Variants in PCBP3 observed in about 807,000 individuals in gnomAD.
The protein encoded by PCBP3 is poly(rC) binding protein 3.
A neutral mutation model predicts 52.7 loss-of-function variants in PCBP3; 25 were observed. The ratio of observed to expected loss-of-function variants is 0.47; its 90% CI spans 0.35 to 0.66. The LOEUF (loss-of-function observed/expected upper bound fraction) is 0.66, where lower values mean the gene tolerates loss of function less well. Among genes scored for constraint, PCBP3 ranks in the 30% least tolerant of loss-of-function variants. PCBP3 has a pLI of 0.01. For missense variants in PCBP3, 391 were observed against 490.3 expected, an observed-to-expected ratio of 0.80 and a Z score of 1.91; for synonymous variants, 162 against 183.0, an observed-to-expected ratio of 0.89 and a Z score of 0.93.
intron 3 of PCBP3, among the ~76,000 whole-genome samples, chr21:45,745,897 C>T (rs1348703179): frequency 3.9e-5 from 6 of 152,008 alleles, no homozygotes; most frequent in Admixed American, 1.3e-4. Flanking sequence ...CAGCGCCACA[C>T]GGTGTTGTGT....
chr21:45,850,758 T>G (rs1318007715), intron 5 of PCBP3, among the ~76,000 whole-genome samples: 1 of 152,264 alleles, frequency 6.6e-6, no homozygotes, highest in African/African-American at 2.4e-5. Flanking sequence ...ACAGAGAGCA[T>G]GTACAGTACT....
intron 16 of PCBP3, among the ~76,000 whole-genome samples, chr21:45,936,323 A>G (rs922759954): frequency 6.6e-6 from 1 of 152,234 alleles, no homozygotes; most frequent in African/African-American, 2.4e-5. Flanking sequence ...AGCCATCTTC[A>G]TTTGAGCCCC....
chr21:45,764,363 C>T (rs968629087), intron 4 of PCBP3, among the ~76,000 whole-genome samples: 10 of 152,186 alleles, frequency 6.6e-5, no homozygotes, highest in African/African-American at 1.9e-4. Context: ...CTCAGGCAGT[C>T]TACCCGCCTC....
intron 4 of PCBP3, among the ~76,000 whole-genome samples, chr21:45,836,831 T>C (rs1360945419): frequency 6.6e-6 from 1 of 152,156 alleles, no homozygotes; most frequent in Non-Finnish European, 1.5e-5. Context: ...ACCTGTTCTG[T>C]TTAGTCACAC....
chr21:45,738,364 C>T (rs1010954684), intron 3 of PCBP3, among the ~76,000 whole-genome samples: 3 of 151,274 alleles, frequency 2.0e-5, no homozygotes, highest in East Asian at 3.9e-4. Flanking sequence ...ACGCCATTCT[C>T]CTACCTCAGC....
At chr21:45,927,941 G>GCCCCAC (rs1393262561) in intron 13 of PCBP3, among the ~76,000 whole-genome samples, 2 of 152,158 alleles carry the variant, frequency 1.3e-5, no homozygotes, top group Non-Finnish European at 2.9e-5. Context: ...CCCACTAGGA[G>GCCCCAC]TCGGGGGTTT....
At chr21:45,911,056 C>A in intron 11 of PCBP3, 26 bp downstream of exon 11, 1 of 1,604,478 alleles carries the variant, frequency 6.2e-7, no homozygotes, top group Admixed American at 1.7e-5. Context: ...CAGGGCCAGC[C>A]CACGTCAGTG....
chr21:45,873,658 C>T lies in PCBP3; in HGVS notation c.11-22550C>T, dbSNP rs533329470. 1.6e-4 allele frequency among the ~76,000 whole-genome samples: 24 copies of T among 152,330 alleles called. No individual in the cohort carries two copies. The South Asian group carries it at 4.3e-3, about 28-fold the overall frequency. ...TCAGGTTTCATTTTATTCACCTGCC[C>T]GTGCAGGGGACCACGCGCTGGGTAC... On this transcript the variant is annotated intron_variant, in intron 5 of 17. Coordinates refer to ENST00000681687, the MANE Select transcript of PCBP3 (RefSeq NM_001384156.1).
intron 2 of PCBP3, among the ~76,000 whole-genome samples, chr21:45,726,772 G>T (rs1171276629): frequency 2.6e-5 from 4 of 152,188 alleles, no homozygotes; most frequent in Non-Finnish European, 5.9e-5. Context: ...CATGCGTTCT[G>T]CTTTCCTGGC....
chr21:45,684,678 C>T (rs976786023), intron 2 of PCBP3, among the ~76,000 whole-genome samples: 1 of 152,170 alleles, frequency 6.6e-6, no homozygotes. Flanking sequence ...GAGGCCTCAG[C>T]AGAGGCCAAG....
intron 1 of PCBP3, among the ~76,000 whole-genome samples, chr21:45,663,252 C>A (rs939804868): frequency 6.6e-6 from 1 of 152,166 alleles, no homozygotes; most frequent in African/African-American, 2.4e-5. Flanking sequence ...CCTTACCTAT[C>A]ATTGCAGATG....
chr21:45,662,910 C>G (rs1170572940), intron 1 of PCBP3, among the ~76,000 whole-genome samples: 8 of 152,078 alleles, frequency 5.3e-5, no homozygotes, highest in African/African-American at 1.7e-4. Flanking sequence ...AAGGGAGTCT[C>G]CCTTTCCCTG....
At chr21:45,869,477 G>C (rs775597734) in intron 5 of PCBP3, among the ~76,000 whole-genome samples, 1 of 152,184 alleles carries the variant, frequency 6.6e-6, no homozygotes, top group Non-Finnish European at 1.5e-5. Flanking sequence ...GAGGTCAGCA[G>C]AGGACCCTGG....
In PCBP3 at chr21:45,827,981, T is replaced by C. The variant is rs570002136; in HGVS notation, c.-125-21980T>C. ...CCAGTGGCTGATACATAGACAAGTT[T>C]ATTTCCTGTTCACCTGTGTCAGCTG... On this transcript the variant is annotated intron_variant, in intron 4 of 17. Coordinates refer to ENST00000681687, the MANE Select transcript of PCBP3 (RefSeq NM_001384156.1). The surrounding 1 kb of genome is among the most constrained non-coding windows in gnomAD (Gnocchi z 4.3). The C allele has an allele frequency of 2.0e-5, 3 of 152,442 alleles. No individual in the cohort carries two copies. Among genetic ancestry groups the C allele is most frequent in the Admixed American group, 6.5e-5 (1 of 15,294 alleles). The allele number at this position is 152,442 out of a possible 1,614,324, so 9.4% of individuals were successfully genotyped here.
chr21:45,802,067 A>G lies in PCBP3; in HGVS notation c.-126+46615A>G, dbSNP rs2092325645. 6.6e-6 allele frequency among the ~76,000 whole-genome samples: 1 copy of G among 152,150 alleles called. No homozygotes were observed. The highest frequency in any genetic ancestry group is 1.5e-5 in the Non-Finnish European group (1 of 68,020). On this transcript the variant is annotated intron_variant, in intron 4 of 17. Coordinates refer to ENST00000681687, the MANE Select transcript of PCBP3 (RefSeq NM_001384156.1). The surrounding 1 kb of genome is among the most constrained non-coding windows in gnomAD (Gnocchi z 5.1). ...CTTGAGGGCATCGTCATGATTCAGC[A>G]GTGACTTCTGGGCTGGGTGGTTAGC...
chr21:45,941,753 A>G lies in PCBP3; in HGVS notation c.*47A>G, dbSNP rs778563119. ...CGCGTCACCCACCTGCCAGAGCCTA[A>G]GGCCCCCGGCTCTCGCACTCTGTAC... is the stretch of plus-strand genomic sequence containing the variant. On this transcript the variant is annotated 3_prime_UTR_variant, in exon 18 of 18. Coordinates refer to ENST00000681687, the MANE Select transcript of PCBP3 (RefSeq NM_001384156.1). 1.3e-6 allele frequency: 2 copies of G among 1,540,084 alleles called. No homozygotes were observed. Among genetic ancestry groups the G allele is most frequent in the East Asian group, 2.3e-5 (1 of 43,304 alleles).
chr21:45,700,624 G>T (rs1011950417), intron 2 of PCBP3, among the ~76,000 whole-genome samples: 1 of 152,156 alleles, frequency 6.6e-6, no homozygotes, highest in Non-Finnish European at 1.5e-5. Flanking sequence ...CCACTGCGCA[G>T]TGTGCCATAG....
intron 7 of PCBP3, among the ~76,000 whole-genome samples, chr21:45,900,266 G>A (rs1461739056): frequency 5.9e-5 from 9 of 152,334 alleles, no homozygotes; most frequent in East Asian, 5.8e-4. Flanking sequence ...AATGCGGGGC[G>A]CCTGAGGGCA....
At chr21:45,840,825 G>A (rs1218314797) in intron 4 of PCBP3, among the ~76,000 whole-genome samples, 1 of 152,138 alleles carries the variant, frequency 6.6e-6, no homozygotes, top group Non-Finnish European at 1.5e-5. Flanking sequence ...ACATTCCCTA[G>A]GCTGGTCTCA....
Sources: gnomAD v4.1 joint callset for allele counts (sites outside exome capture counted in the v4.1 genomes callset) on GRCh38, gnomAD v4.1.1 for gene constraint, Gnocchi (gnomAD v3.1) non-coding constraint, MANE v1.5 for transcripts, NCBI Gene and HGNC (gene_info 2026-07-23, HGNC 2026-07-21) for gene names.